Variants in GPATCH2 observed in about 807,000 individuals in gnomAD.
GPATCH2 encodes G-patch domain containing 2, also known as G patch domain-containing protein 2.
GPATCH2 carries 51 observed loss-of-function variants against 58.0 expected under a neutral mutation model. The ratio of observed to expected loss-of-function variants is 0.88; its 90% CI spans 0.70 to 1.11. The LOEUF (loss-of-function observed/expected upper bound fraction) is 1.11. Ranked by LOEUF, GPATCH2 falls within the 50% of genes most tolerant of loss-of-function variation. The pLI, the probability that GPATCH2 is intolerant of heterozygous loss-of-function variation, is 0.00. For missense variants in GPATCH2, 625 were observed against 652.2 expected, an observed-to-expected ratio of 0.96 and a Z score of 0.45; for synonymous variants, 222 against 218.5, an observed-to-expected ratio of 1.02 and a Z score of -0.14.
At chr1:217,534,576 A>G (rs1005253468) in intron 5 of GPATCH2, among the ~76,000 whole-genome samples, 16 of 5,970 alleles carry the variant, frequency 2.7e-3, no homozygotes, top group African/African-American at 8.4e-3. Flanking sequence ...CAGTCTGTGA[A>G]AAAAAAAAAA....
At chr1:217,616,762 G>T (rs893074665) in intron 2 of GPATCH2, among the ~76,000 whole-genome samples, 7 of 151,990 alleles carry the variant, frequency 4.6e-5, no homozygotes, top group African/African-American at 1.7e-4. Context: ...TTTATAACAC[G>T]GTATTTGGAT....
chr1:217,521,358 C>CAAAAAAAAAAAA (rs35333815), intron 5 of GPATCH2, among the ~76,000 whole-genome samples: 16 of 101,126 alleles, frequency 1.6e-4, no homozygotes, highest in African/African-American at 3.9e-4. Flanking sequence ...AGGGAGACTG[C>CAAAAAAAAAAAA]AAAAAAAAAA....
chr1:217,455,875 A>C (rs1659918471), intron 8 of GPATCH2, among the ~76,000 whole-genome samples: 1 of 152,030 alleles, frequency 6.6e-6, no homozygotes, highest in African/African-American at 2.4e-5. Flanking sequence ...AGACAGACAA[A>C]AGAGCAGAAG....
At chr1:217,603,046 T>A (rs1668182015) in intron 5 of GPATCH2, among the ~76,000 whole-genome samples, 1 of 152,104 alleles carries the variant, frequency 6.6e-6, no homozygotes, top group Non-Finnish European at 1.5e-5. Context: ...ATTATAGATA[T>A]GTTAATAAGA....
At chr1:217,501,869 T>C (rs951687757) in intron 6 of GPATCH2, among the ~76,000 whole-genome samples, 1 of 152,124 alleles carries the variant, frequency 6.6e-6, no homozygotes, top group Non-Finnish European at 1.5e-5. Flanking sequence ...TTGCTAGATA[T>C]GTGGTTTGCA....
At chr1:217,596,028 A>G (rs910319177) in intron 5 of GPATCH2, among the ~76,000 whole-genome samples, 13 of 152,172 alleles carry the variant, frequency 8.5e-5, no homozygotes, top group African/African-American at 3.1e-4. Flanking sequence ...ACCTTTTAAC[A>G]TAACTTAAAT....
intron 5 of GPATCH2, among the ~76,000 whole-genome samples, chr1:217,572,987 A>T (rs1463338650): frequency 1.3e-5 from 2 of 152,260 alleles, no homozygotes; most frequent in African/African-American, 2.4e-5. Flanking sequence ...CAAAATCCAG[A>T]TGTCCTGCAA....
intron 5 of GPATCH2, among the ~76,000 whole-genome samples, chr1:217,559,747 T>A (rs2102688809): frequency 6.6e-6 from 1 of 152,132 alleles, no homozygotes; most frequent in East Asian, 1.9e-4. Context: ...AACCAGAGAT[T>A]GAGCTGGGCT....
rs1667570779 is a variant in GPATCH2 at position 217,591,147 on chromosome 1, C to T, written c.1098+19174G>A. On this transcript the variant is annotated intron_variant, in intron 5 of 9. Coordinates refer to ENST00000366935, the MANE Select transcript of GPATCH2 (RefSeq NM_018040.5). ...GAAAGTAGAAAAGTTAACTGTTAAA[C>T]AGGGAGAATAGCTAGGCTATGTCAA... Among the ~76,000 whole-genome samples the T allele has an allele frequency of 2.0e-5, 3 of 152,082 alleles. No individual in the cohort carries two copies. In the South Asian group the frequency reaches 6.2e-4, roughly 32 times the overall value.
intron 6 of GPATCH2, among the ~76,000 whole-genome samples, chr1:217,513,565 T>C (rs745372739): frequency 2.2e-4 from 33 of 152,178 alleles, no homozygotes; most frequent in Non-Finnish European, 4.1e-4. Context: ...GCAGGAGATA[T>C]ATGGTATTGC....
At chr1:217,571,372 T>C (rs1038020489) in intron 5 of GPATCH2, among the ~76,000 whole-genome samples, 1 of 152,070 alleles carries the variant, frequency 6.6e-6, no homozygotes, top group East Asian at 1.9e-4. Flanking sequence ...AAATGTGATA[T>C]AATAAGACCC....
At chr1:217,509,461 T>C (rs1200528926) in intron 6 of GPATCH2, among the ~76,000 whole-genome samples, 1 of 152,218 alleles carries the variant, frequency 6.6e-6, no homozygotes, top group Admixed American at 6.5e-5. Flanking sequence ...CATCCAGTGA[T>C]GACCAATTTT....
chr1:217,453,747 C>T (rs931277854), intron 8 of GPATCH2, among the ~76,000 whole-genome samples: 16 of 152,104 alleles, frequency 1.1e-4, no homozygotes, highest in African/African-American at 3.4e-4. Flanking sequence ...GCTTTTGACA[C>T]GGGCTGACAA....
intron 5 of GPATCH2, among the ~76,000 whole-genome samples, chr1:217,559,908 C>T (rs944962405): frequency 6.6e-6 from 1 of 151,056 alleles, no homozygotes; most frequent in Non-Finnish European, 1.5e-5. Context: ...GAGGTCTATA[C>T]CCCTCACTCT....
intron 5 of GPATCH2, among the ~76,000 whole-genome samples, chr1:217,606,500 G>A (rs1257283629): frequency 6.6e-6 from 1 of 152,136 alleles, no homozygotes; most frequent in Non-Finnish European, 1.5e-5. Flanking sequence ...CTTCACGCCT[G>A]TAATCCCAAC....
rs1558386603 is a variant in GPATCH2, at chr1:217,431,053, G to A, written c.*92C>T. On this transcript the variant is annotated 3_prime_UTR_variant, in exon 10 of 10. Transcript: ENST00000366935. ...AGAGTGATGTGTTTGAGGCAATGTAGATTTTTGCTTCAAAAACAGAAGTCA... is the reference window on the plus strand; with the variant it reads ...AGAGTGATGTGTTTGAGGCAATGTAAATTTTTGCTTCAAAAACAGAAGTCA... 1 of 758,978 alleles carries A rather than the reference G, an allele frequency of 1.3e-6. No homozygotes were observed. Among genetic ancestry groups the A allele is most frequent in the Non-Finnish European group, 2.4e-6 (1 of 415,672 alleles). The allele number at this position is 758,978 out of a possible 1,614,324, so 47.0% of individuals were successfully genotyped here.
At chr1:217,505,924 G>A (rs954755230) in intron 6 of GPATCH2, among the ~76,000 whole-genome samples, 1 of 152,162 alleles carries the variant, frequency 6.6e-6, no homozygotes, top group African/African-American at 2.4e-5. Flanking sequence ...CTGGGTTCAA[G>A]TGATTCTCCT....
intron 6 of GPATCH2, among the ~76,000 whole-genome samples, chr1:217,505,965 G>A (rs565109159): frequency 1.3e-5 from 2 of 152,296 alleles, no homozygotes; most frequent in South Asian, 2.1e-4. Context: ...TGGGATTACA[G>A]GCATGTGCCA....
At chr1:217,501,938 A>G (rs1662326132) in intron 6 of GPATCH2, among the ~76,000 whole-genome samples, 1 of 152,064 alleles carries the variant, frequency 6.6e-6, no homozygotes, top group African/African-American at 2.4e-5. Flanking sequence ...TTTCCAGAAC[A>G]CTAGTTTCAA....
Sources: gnomAD v4.1 joint callset for allele counts (sites outside exome capture counted in the v4.1 genomes callset) on GRCh38, gnomAD v4.1.1 for gene constraint, MANE v1.5 for transcripts, NCBI Gene and HGNC (gene_info 2026-07-23, HGNC 2026-07-21) for gene names.